The following GALNT13 variants were observed in gnomAD, a reference collection of about 807,000 sequenced individuals.
GALNT13 encodes UDP-GalNAc:polypeptide N-acetylgalactosaminyltransferase 13.
A neutral mutation model predicts 64.2 loss-of-function variants in GALNT13; 28 were observed. The ratio of observed to expected loss-of-function variants is 0.44; its 90% CI spans 0.32 to 0.60. The LOEUF is 0.60. Ranked by LOEUF, GALNT13 falls within the 20% of genes least tolerant of loss-of-function variation. The probability of loss-of-function intolerance (pLI) is 0.05; values close to 1 mark genes in which losing one functional copy is unlikely to be tolerated. For missense variants in GALNT13, 577 were observed against 669.8 expected (o/e 0.86, Z 1.53); for synonymous variants, 214 against 224.6 (o/e 0.95, Z 0.42).
At chr2:153,201,643 T>C in the GALNT13 span, 30 of 144,946 alleles carry the variant, frequency 2.1e-4, no homozygotes, top group African/African-American at 8.0e-4. Flanking sequence ...TCAATTTACA[T>C]CCATTTAATT....
At chr2:154,317,674 C>T (rs1694398482) in intron 9 of GALNT13, among the ~76,000 whole-genome samples, 1 of 152,148 alleles carries the variant, frequency 6.6e-6, no homozygotes. Context: ...GGCAGCTATA[C>T]ATCCCTGTTT....
chr2:153,092,079 G>T, the GALNT13 span, among the ~76,000 whole-genome samples: 1 of 152,146 alleles, frequency 6.6e-6, no homozygotes, highest in Non-Finnish European at 1.5e-5. Context: ...AGTTTTCCCA[G>T]AACCACATAT....
intron 1 of GALNT13, among the ~76,000 whole-genome samples, chr2:153,895,447 C>G (rs1424812645): frequency 6.6e-6 from 1 of 151,970 alleles, no homozygotes; most frequent in Non-Finnish European, 1.5e-5. Context: ...TCCGTATAAA[C>G]AATTTTTCAT....
At chr2:153,411,364 C>T in the GALNT13 span, among the ~76,000 whole-genome samples, 1 of 152,044 alleles carries the variant, frequency 6.6e-6, no homozygotes, top group Non-Finnish European at 1.5e-5. Context: ...AATTAGGAAT[C>T]TGACATGGGA....
the GALNT13 span, among the ~76,000 whole-genome samples, chr2:153,436,298 T>C: frequency 6.6e-6 from 1 of 152,162 alleles, no homozygotes; most frequent in Non-Finnish European, 1.5e-5. Context: ...TCTTTTTTTG[T>C]TGTGTTTCTG....
At chr2:154,185,135 C>A (rs764967661) in intron 4 of GALNT13, among the ~76,000 whole-genome samples, 1 of 151,990 alleles carries the variant, frequency 6.6e-6, no homozygotes, top group African/African-American at 2.4e-5. Flanking sequence ...TCCTAGTGGG[C>A]AGTTATTTTC....
chr2:153,388,292 C>G, the GALNT13 span, among the ~76,000 whole-genome samples: 1 of 152,030 alleles, frequency 6.6e-6, no homozygotes, highest in Non-Finnish European at 1.5e-5. Flanking sequence ...CCTCAAAGAT[C>G]TAGTGGTTAT....
chr2:153,334,911 T>C, the GALNT13 span, among the ~76,000 whole-genome samples: 1 of 152,176 alleles, frequency 6.6e-6, no homozygotes, highest in Non-Finnish European at 1.5e-5. Flanking sequence ...TCAACTTAAA[T>C]TGTATCTCCC....
At chr2:153,615,055 T>TCCTTCTA in the GALNT13 span, among the ~76,000 whole-genome samples, 2 of 152,072 alleles carry the variant, frequency 1.3e-5, no homozygotes, top group East Asian at 3.9e-4. Context: ...CTGGTAACTA[T>TCCTTCTA]CCTTCTACCC....
intron 4 of GALNT13, among the ~76,000 whole-genome samples, chr2:154,183,466 C>T (rs1466752691): frequency 6.6e-6 from 1 of 152,132 alleles, no homozygotes; most frequent in Non-Finnish European, 1.5e-5. Flanking sequence ...AATCCCAGCA[C>T]TTTGGGAGGC....
chr2:154,195,723 A>C (rs1559018090), intron 4 of GALNT13, among the ~76,000 whole-genome samples: 1 of 152,088 alleles, frequency 6.6e-6, no homozygotes, highest in Non-Finnish European at 1.5e-5. Context: ...GAAAAAAAAA[A>C]TATTAGCTAT....
At chr2:153,300,152 G>A in the GALNT13 span, among the ~76,000 whole-genome samples, 29,374 of 152,136 alleles carry the variant, frequency 0.19, 3,130 homozygotes, top group African/African-American at 0.26. Context: ...CTAAGGAACA[G>A]GTGAAGAGAA....
the GALNT13 span, among the ~76,000 whole-genome samples, chr2:153,744,194 G>A: frequency 6.6e-6 from 1 of 152,096 alleles, no homozygotes; most frequent in Admixed American, 6.6e-5. Flanking sequence ...TATATGCCCA[G>A]CAGTGAGATT....
rs182251069 is a variant in GALNT13 at position 154,289,573 on chromosome 2, G to A, written c.976-11836G>A. 6.5e-3 allele frequency among the ~76,000 whole-genome samples: 997 copies of A among 152,238 alleles called. 6 individuals carry two copies. The highest frequency in any genetic ancestry group is 0.024 in the Middle Eastern group (7 of 294). ...TACTCACTTTCAAGAGAACAGCACA[G>A]GAAAGACCCACCCCCATGATTCAAT... is the stretch of plus-strand genomic sequence containing the variant. On this transcript the variant is annotated intron_variant, in intron 8 of 12. Transcript: ENST00000392825.
At chr2:154,236,503 T>C (rs1228689179) in intron 4 of GALNT13, among the ~76,000 whole-genome samples, 1 of 152,110 alleles carries the variant, frequency 6.6e-6, no homozygotes, top group Non-Finnish European at 1.5e-5. Flanking sequence ...TATATTATCA[T>C]AGAATTAAAA....
intron 4 of GALNT13, among the ~76,000 whole-genome samples, chr2:154,199,000 A>G (rs1687030308): frequency 6.6e-6 from 1 of 152,032 alleles, no homozygotes; most frequent in African/African-American, 2.4e-5. Flanking sequence ...ACAAAAATAT[A>G]TGTATATGTT....
the GALNT13 span, among the ~76,000 whole-genome samples, chr2:153,739,332 C>CT: frequency 1.1e-4 from 17 of 151,426 alleles, no homozygotes; most frequent in African/African-American, 3.6e-4. Flanking sequence ...TTAACAACTG[C>CT]TTTTTTTGTA....
At chr2:153,134,454 A>T in the GALNT13 span, among the ~76,000 whole-genome samples, 4 of 152,242 alleles carry the variant, frequency 2.6e-5, no homozygotes, top group East Asian at 5.8e-4. Context: ...GAGAAAGGGC[A>T]TATGAAGAGC....
At chr2:153,874,514 C>T (rs1438996788) in intron 1 of GALNT13, among the ~76,000 whole-genome samples, 2 of 151,966 alleles carry the variant, frequency 1.3e-5, no homozygotes, top group Non-Finnish European at 2.9e-5. Flanking sequence ...AATTCCAGTT[C>T]GGAAAGTCCT....
Sources: allele counts gnomAD v4.1 joint callset (sites outside exome capture counted in the v4.1 genomes callset), GRCh38; gene constraint gnomAD v4.1.1; transcripts MANE v1.5; gene names NCBI Gene and HGNC (gene_info 2026-07-23, HGNC 2026-07-21).